The following UBXN8 variants were observed in gnomAD, a reference collection of about 807,000 sequenced individuals.
The protein encoded by UBXN8 is UBX domain protein 8.
Under a neutral mutation model 32.1 loss-of-function variants are expected in UBXN8, and 27 were observed. The ratio of observed to expected loss-of-function variants is 0.84; its 90% CI spans 0.62 to 1.16. The LOEUF (loss-of-function observed/expected upper bound fraction) is 1.16. Among genes scored for constraint, UBXN8 ranks in the 50% most tolerant of loss-of-function variants. The pLI is 0.00. For synonymous variants in UBXN8, 109 were observed against 111.8 expected (o/e 0.98, Z 0.16); for missense variants, 306 against 311.4 (o/e 0.98, Z 0.13).
chr8:30,756,730 C>T (rs773987503), intron 4 of UBXN8, 35 bp from the exon 5 acceptor site: 2 of 1,611,278 alleles, frequency 1.2e-6, no homozygotes, highest in Non-Finnish European at 1.7e-6. Context: ...TGATAGAAAA[C>T]ATCTCTTTAG....
At chr8:30,765,997 G>A (rs1334533248) in intron 7 of UBXN8, among the ~76,000 whole-genome samples, 11 of 124,586 alleles carry the variant, frequency 8.8e-5, no homozygotes, top group South Asian at 2.8e-4. Context: ...GTGACAGAGC[G>A]AGACTCCCAT....
At chr8:30,749,024 C>T (rs973807429) in intron 1 of UBXN8, among the ~76,000 whole-genome samples, 11 of 152,180 alleles carry the variant, frequency 7.2e-5, no homozygotes, top group South Asian at 4.1e-4. Flanking sequence ...TGTCCCTCAA[C>T]ATTTGCCAAA....
At chr8:30,744,729 G>C (rs1805318848) in intron 1 of UBXN8, among the ~76,000 whole-genome samples, 1 of 152,212 alleles carries the variant, frequency 6.6e-6, no homozygotes, top group African/African-American at 2.4e-5. Context: ...ACGCCACTGC[G>C]CCCGGCCCTA....
intron 5 of UBXN8, among the ~76,000 whole-genome samples, 162 bp downstream of exon 5, chr8:30,757,049 G>T (rs374065632): frequency 6.6e-6 from 1 of 151,976 alleles, no homozygotes; most frequent in Non-Finnish European, 1.5e-5. Context: ...GGCCGGGCAT[G>T]GTGGCTGACA....
intron 7 of UBXN8, 121 bp downstream of exon 7, chr8:30,763,468 A>G (rs771842180): frequency 2.1e-5 from 20 of 963,854 alleles, no homozygotes; most frequent in Admixed American, 4.5e-5. Flanking sequence ...GGTATGGATA[A>G]AGGACATTTC....
At chr8:30,736,648 T>C (rs940866831) in intron 1 of UBXN8, among the ~76,000 whole-genome samples, 1 of 152,142 alleles carries the variant, frequency 6.6e-6, no homozygotes, top group African/African-American at 2.4e-5. Flanking sequence ...ACTTTTTGTA[T>C]TTTTAGTAGA....
upstream of UBXN8, among the ~76,000 whole-genome samples, chr8:30,742,162 C>G (rs1411737677): frequency 7.2e-5 from 11 of 152,126 alleles, no homozygotes; most frequent in Admixed American, 7.2e-4. Flanking sequence ...ATGGGAACAT[C>G]TGAACTAGTC....
chr8:30,764,902 T>C (rs113257357), intron 7 of UBXN8, among the ~76,000 whole-genome samples: 1 of 151,824 alleles, frequency 6.6e-6, no homozygotes, highest in African/African-American at 2.4e-5. Context: ...ATACAAAAAT[T>C]AGCCGGACGT....
intron 1 of UBXN8, among the ~76,000 whole-genome samples, chr8:30,744,688 C>T (rs530475568): frequency 1.7e-4 from 26 of 152,244 alleles, no homozygotes; most frequent in Non-Finnish European, 3.1e-4. Context: ...CCTCCTGCCT[C>T]GGCCTCTCAA....
At chr8:30,729,232 GC>G (rs1171851776), upstream of UBXN8, among the ~76,000 whole-genome samples, 1 of 152,242 alleles carries the variant, frequency 6.6e-6, no homozygotes, top group Admixed American at 6.5e-5. Context: ...GTAGGCAATT[GC>G]CCCGGTGGAA....
At chr8:30,766,135 C>A in intron 7 of UBXN8, 92 bp from the exon 8 acceptor site, 1 of 1,311,132 alleles carries the variant, frequency 7.6e-7, no homozygotes, top group Non-Finnish European at 1.0e-6. Context: ...TATGATTTTA[C>A]ATTGACAAAA....
intron 4 of UBXN8, among the ~76,000 whole-genome samples, chr8:30,754,994 C>G (rs750554272): frequency 1.7e-5 from 2 of 117,570 alleles, no homozygotes; most frequent in Admixed American, 1.9e-4. Flanking sequence ...TTGCTTTGTT[C>G]CCCTAGGCTG....
chr8:30,756,880 G>A lies in UBXN8; in HGVS notation c.521G>A (p.Cys174Tyr), dbSNP rs771684112. The A allele has an allele frequency of 3.1e-6, 5 of 1,613,928 alleles. No homozygotes were observed. The South Asian group carries it at 4.4e-5, about 14-fold the overall frequency. Residue 174 changes from cysteine to tyrosine, a missense_variant, in exon 5 of 8, where the codon TGC (cysteine) becomes TAC (tyrosine). By Grantham distance (194) the Cys-to-Tyr change is radical (BLOSUM62 -2). Transcript: ENST00000265616. Reference sequence around the variant, plus strand: ...CCGTCTCCTGCTGAACAGCCCACATGCAAGGAGGTAAAGTACTTCATGCCT... The same window carrying A: ...CCGTCTCCTGCTGAACAGCCCACATACAAGGAGGTAAAGTACTTCATGCCT... ...EFPSPAEQPT[C>Y]KEIPDLPEEP...
At chr8:30,761,917 T>C (rs1805842721) in intron 6 of UBXN8, among the ~76,000 whole-genome samples, 1 of 152,088 alleles carries the variant, frequency 6.6e-6, no homozygotes, top group Non-Finnish European at 1.5e-5. Flanking sequence ...GATGCCTTCC[T>C]GTCACTGGCC....
At chr8:30,733,487 T>C (rs1805012730) in intron 1 of UBXN8, among the ~76,000 whole-genome samples, 1 of 152,198 alleles carries the variant, frequency 6.6e-6, no homozygotes, top group South Asian at 2.1e-4. Flanking sequence ...CAGTTATACA[T>C]TGCAGAGGAC....
At chr8:30,754,529 C>T in intron 3 of UBXN8, 136 bp from the exon 4 acceptor site, 1 of 1,224,934 alleles carries the variant, frequency 8.2e-7, no homozygotes, top group South Asian at 1.6e-5. Context: ...CACAACCAAG[C>T]AGCCAAACAG....
intron 4 of UBXN8, 40 bp from the exon 5 acceptor site, chr8:30,756,725 G>C (rs1805671563): frequency 6.2e-7 from 1 of 1,611,064 alleles, no homozygotes; most frequent in Non-Finnish European, 8.5e-7. Context: ...AAAGTTGATA[G>C]AAAACATCTC....
rs906537990 is a variant in UBXN8 at position 30,760,959 on chromosome 8, A to G, written c.570+30A>G. ...GTCTATTTTTCTCTTCGAAAATTAA[A>G]CTTATTTTCTATTTTCTTTGCTTAA... On this transcript the variant is annotated intron_variant, in intron 6 of 7. Coordinates refer to ENST00000265616, the MANE Select transcript of UBXN8 (RefSeq NM_005671.4). 2.8e-5 allele frequency: 40 copies of G among 1,442,208 alleles called. No individual in the cohort carries two copies. The Admixed American group carries it at 8.4e-4, about 30-fold the overall frequency. 89.3% of individuals were successfully genotyped at this position (1,442,208 alleles called of 1,614,324 possible). A position where few individuals can be genotyped will look rare whatever the true frequency, so the allele number is the denominator to read the frequency against.
Position 30,751,508 on chromosome 8 carries a change from T to G in UBXN8, c.201T>G (p.Val67=). 1 of 1,600,810 alleles carries G rather than the reference T, an allele frequency of 6.2e-7. No individual in the cohort carries two copies. Among genetic ancestry groups the G allele is most frequent in the Non-Finnish European group, 8.5e-7 (1 of 1,174,692 alleles). The part of the protein sequence containing the change: ...SWLNSFKSPQ[V]YLKEEEEKNE... ...TTAACTCATTTAAATCTCCCCAAGTTTATCTGAAGGGTAAGTTTATTATTT... is the reference window on the plus strand; with the variant it reads ...TTAACTCATTTAAATCTCCCCAAGTGTATCTGAAGGGTAAGTTTATTATTT... The change falls in exon 2 of 8, where the codon GTT becomes GTG. Residue 67 remains valine, a synonymous_variant. Coordinates refer to ENST00000265616, the MANE Select transcript of UBXN8 (RefSeq NM_005671.4).
Sources: allele counts gnomAD v4.1 joint callset (sites outside exome capture counted in the v4.1 genomes callset), GRCh38; gene constraint gnomAD v4.1.1; transcripts MANE v1.5; gene names NCBI Gene and HGNC (gene_info 2026-07-23, HGNC 2026-07-21).